MLXIPL: variants seen among roughly 807,000 people sequenced by gnomAD.
MLXIPL encodes the protein MLX interacting protein like.
In MLXIPL, 49 loss-of-function variants were observed where a neutral mutation model predicts 81.5. The ratio of observed to expected loss-of-function variants is 0.60; its 90% CI spans 0.48 to 0.76. MLXIPL has a LOEUF of 0.76. MLXIPL is among the 30% of genes least tolerant of loss of function. MLXIPL has a pLI of 0.00. For synonymous variants in MLXIPL, 466 were observed against 485.5 expected, an observed-to-expected ratio of 0.96 and a Z score of 0.53; for missense variants, 1,053 against 1,167.0, an observed-to-expected ratio of 0.90 and a Z score of 1.42.
At chr7:73,594,498 C>T in intron 15 of MLXIPL, 95 bp from the exon 16 acceptor site, 1 of 1,497,642 alleles carries the variant, frequency 6.7e-7, no homozygotes. Flanking sequence ...AAGAAAGGGC[C>T]TGGACACTGT....
chr7:73,600,368 T>G (rs1352311426), intron 7 of MLXIPL, among the ~76,000 whole-genome samples: 1 of 19,664 alleles, frequency 5.1e-5, no homozygotes, highest in African/African-American at 2.2e-4. Context: ...GGGCTCTGAG[T>G]GGGATGGGGG....
chr7:73,614,209 C>A (rs1479432876), intron 2 of MLXIPL, among the ~76,000 whole-genome samples: 2 of 152,068 alleles, frequency 1.3e-5, no homozygotes, highest in Non-Finnish European at 2.9e-5. Context: ...ATGAGCGAAA[C>A]TTCGTATTAA....
chr7:73,598,534 G>T (rs191561202), intron 8 of MLXIPL, among the ~76,000 whole-genome samples: 132 of 152,146 alleles, frequency 8.7e-4, no homozygotes, highest in South Asian at 3.7e-3. Context: ...TGCCTCCACC[G>T]CAGTCTAAGA....
At chr7:73,607,504 G>C (rs1188387170) in intron 3 of MLXIPL, 84 bp from the exon 4 acceptor site, 59 of 1,558,688 alleles carry the variant, frequency 3.8e-5, no homozygotes, top group Non-Finnish European at 5.1e-5. Context: ...ATCCCTGTCT[G>C]CTCAGCGCAA....
chr7:73,646,391 C>A, the MLXIPL span, among the ~76,000 whole-genome samples: 3 of 152,152 alleles, frequency 2.0e-5, no homozygotes, highest in African/African-American at 2.4e-5. Flanking sequence ...TCATCTCCAC[C>A]AGTGCCACCC....
At position 73,597,724 on chromosome 7, in the gene MLXIPL, G is replaced by T; in HGVS notation, c.1072-11C>A. On this transcript the variant is annotated splice_polypyrimidine_tract_variant and intron_variant, in intron 8 of 16. Coordinates refer to ENST00000313375, the MANE Select transcript of MLXIPL (RefSeq NM_032951.3). ...GCAGCTGTTCCGAGCCTGGTTGGGG[G>T]GACAGACAGACACTCAGAGAGCAGG... 7.5e-7 allele frequency: 1 copy of T among 1,337,744 alleles called. No homozygotes were observed. Among genetic ancestry groups the T allele is most frequent in the Non-Finnish European group, 9.6e-7 (1 of 1,047,054 alleles). 82.9% of individuals were successfully genotyped at this position (1,337,744 alleles called of 1,614,324 possible).
At chr7:73,633,740 C>G in the MLXIPL span, among the ~76,000 whole-genome samples, 1 of 152,176 alleles carries the variant, frequency 6.6e-6, no homozygotes, top group East Asian at 1.9e-4. Flanking sequence ...CAGGCGTGAG[C>G]CATGGTGTCT....
At chr7:73,599,202 G>C (rs1335087282) in intron 8 of MLXIPL, among the ~76,000 whole-genome samples, 1 of 151,600 alleles carries the variant, frequency 6.6e-6, no homozygotes, top group Non-Finnish European at 1.5e-5. Context: ...CTGGCTTGAG[G>C]TCAGCCAGTC....
chr7:73,613,591 G>A (rs1795831952), intron 2 of MLXIPL, among the ~76,000 whole-genome samples: 1 of 151,546 alleles, frequency 6.6e-6, no homozygotes, highest in Middle Eastern at 3.2e-3. Context: ...GAGCAAGACT[G>A]TTTCAAAAAA....
In MLXIPL at chr7:73,623,305, C is replaced by T. The variant is rs1164432646; in HGVS notation, c.293+895G>A. On this transcript the variant is annotated intron_variant, in intron 1 of 16. Coordinates refer to ENST00000313375, the MANE Select transcript of MLXIPL (RefSeq NM_032951.3). The surrounding 1 kb of genome is among the most constrained non-coding windows in gnomAD (Gnocchi z 5.7). The stretch of plus-strand genomic sequence containing the variant: ...AGAGAAAAGATCAAGGCCGGCCGAT[C>T]CCCCTTTCTCCCCTACGGGTTTTCG... 7.2e-5 allele frequency among the ~76,000 whole-genome samples: 11 copies of T among 152,242 alleles called. No individual in the cohort carries two copies. The highest frequency in any genetic ancestry group is 1.5e-4 in the Non-Finnish European group (10 of 68,052).
At chr7:73,598,384 C>A (rs1461698293) in intron 8 of MLXIPL, among the ~76,000 whole-genome samples, 2 of 152,158 alleles carry the variant, frequency 1.3e-5, no homozygotes, top group African/African-American at 4.8e-5. Flanking sequence ...TTCCATCCAT[C>A]CACCATCTAT....
At chr7:73,643,492 C>T in the MLXIPL span, among the ~76,000 whole-genome samples, 2 of 144,626 alleles carry the variant, frequency 1.4e-5, no homozygotes, top group African/African-American at 2.6e-5. Context: ...CCAGCCTGGG[C>T]GACAGAGCGA....
chr7:73,642,635 C>T, the MLXIPL span, among the ~76,000 whole-genome samples: 4 of 152,186 alleles, frequency 2.6e-5, no homozygotes, highest in African/African-American at 9.7e-5. Flanking sequence ...GGATTACAGG[C>T]GTGAGCCACC....
intron 1 of MLXIPL, among the ~76,000 whole-genome samples, chr7:73,619,909 G>A (rs1291139123): frequency 2.6e-5 from 4 of 151,830 alleles, no homozygotes; most frequent in South Asian, 4.2e-4. Flanking sequence ...CAGCCTGGGC[G>A]ACAGAGCAAG....
chr7:73,642,209 G>A, the MLXIPL span, among the ~76,000 whole-genome samples: 1 of 152,114 alleles, frequency 6.6e-6, no homozygotes, highest in Non-Finnish European at 1.5e-5. Flanking sequence ...AGAGATGCAT[G>A]GGCTAGAGTA....
the MLXIPL span, among the ~76,000 whole-genome samples, chr7:73,647,884 T>C: frequency 9.1e-4 from 137 of 151,042 alleles, no homozygotes; most frequent in African/African-American, 3.0e-3. Flanking sequence ...CGGCGCCTTC[T>C]CCGCGCGGGC....
At chr7:73,622,262 A>G (rs1554602429) in intron 1 of MLXIPL, among the ~76,000 whole-genome samples, 2 of 151,948 alleles carry the variant, frequency 1.3e-5, no homozygotes, top group East Asian at 3.9e-4. Flanking sequence ...AGGCCAAGGC[A>G]GGTGGATCAC....
At chr7:73,625,630 C>T (rs1225883323), upstream of MLXIPL, among the ~76,000 whole-genome samples, 1 of 151,754 alleles carries the variant, frequency 6.6e-6, no homozygotes, top group East Asian at 1.9e-4. Context: ...ACGATGCGTG[C>T]TTGGCTTATA....
intron 5 of MLXIPL, chr7:73,606,455 T>C: frequency 2.7e-6 from 1 of 375,404 alleles, no homozygotes; most frequent in Non-Finnish European, 4.9e-6. Context: ...AGACGGAGTC[T>C]CACTCTGTTG....
Sources: allele counts gnomAD v4.1 joint callset (sites outside exome capture counted in the v4.1 genomes callset), GRCh38; gene constraint gnomAD v4.1.1; non-coding constraint Gnocchi (gnomAD v3.1); transcripts MANE v1.5; gene names NCBI Gene and HGNC (gene_info 2026-07-23, HGNC 2026-07-21).